The following EDAR variants were observed in gnomAD, a reference collection of about 807,000 sequenced individuals.
EDAR encodes tumor necrosis factor receptor superfamily member EDAR.
Under a neutral mutation model 51.3 loss-of-function variants are expected in EDAR, and 38 were observed. The observed-to-expected ratio is 0.74, with a 90% CI of 0.57 to 0.97. The LOEUF (loss-of-function observed/expected upper bound fraction) is 0.97. EDAR is among the 50% of genes least tolerant of loss of function. The pLI is 0.00. For missense variants in EDAR, 528 were observed against 595.0 expected (o/e 0.89, Z 1.17); for synonymous variants, 227 against 242.1 (o/e 0.94, Z 0.58).
At chr2:108,937,706 T>C (rs1198080839) in intron 1 of EDAR, among the ~76,000 whole-genome samples, 1 of 149,412 alleles carries the variant, frequency 6.7e-6, no homozygotes, top group Non-Finnish European at 1.5e-5. Flanking sequence ...TGTGTGAGTG[T>C]ATGTGTGTGT....
At chr2:108,915,093 G>C (rs1027751022) in intron 5 of EDAR, among the ~76,000 whole-genome samples, 7 of 151,676 alleles carry the variant, frequency 4.6e-5, no homozygotes, top group South Asian at 4.1e-4. Flanking sequence ...ATTTTTTATA[G>C]AGAAAAATGC....
At chr2:108,988,788 G>A (rs756149216) in intron 1 of EDAR, among the ~76,000 whole-genome samples, 172 bp downstream of exon 1, 1 of 152,166 alleles carries the variant, frequency 6.6e-6, no homozygotes, top group Non-Finnish European at 1.5e-5. Flanking sequence ...AACAATCTCA[G>A]GTCTTAGAAC....
intron 1 of EDAR, among the ~76,000 whole-genome samples, chr2:108,986,297 C>G (rs1698499731): frequency 6.6e-6 from 1 of 152,176 alleles, no homozygotes; most frequent in Non-Finnish European, 1.5e-5. Context: ...AAAACTGAGA[C>G]TGTTTCCTCT....
chr2:108,923,077 T>C (rs540397382), intron 5 of EDAR, among the ~76,000 whole-genome samples: 6 of 152,336 alleles, frequency 3.9e-5, no homozygotes, highest in Admixed American at 2.0e-4. Flanking sequence ...CAGATGTTAG[T>C]ACCCCCATAT....
At chr2:108,913,331 C>T (rs1176517431) in intron 5 of EDAR, among the ~76,000 whole-genome samples, 1 of 152,126 alleles carries the variant, frequency 6.6e-6, no homozygotes, top group Non-Finnish European at 1.5e-5. Context: ...TTGCAAGCCT[C>T]ACCAACTCAA....
intron 11 of EDAR, among the ~76,000 whole-genome samples, chr2:108,902,207 C>CA (rs59896545): frequency 0.014 from 1,146 of 82,450 alleles, 9 homozygotes; most frequent in Admixed American, 0.022. Context: ...GACTCCGTCT[C>CA]AAAAAAAAAA....
At chr2:108,924,979 C>T (rs1459462865) in intron 4 of EDAR, among the ~76,000 whole-genome samples, 1 of 152,192 alleles carries the variant, frequency 6.6e-6, no homozygotes, top group Non-Finnish European at 1.5e-5. Flanking sequence ...TCCTAGGTGG[C>T]CACCTGCTCC....
chr2:108,944,466 G>A (rs113944493), intron 1 of EDAR, among the ~76,000 whole-genome samples: 433 of 152,318 alleles, frequency 2.8e-3, no homozygotes, highest in African/African-American at 9.7e-3. Context: ...TATGGCTGCG[G>A]CAACAATGGC....
intron 11 of EDAR, among the ~76,000 whole-genome samples, chr2:108,903,045 C>T (rs1574366227): frequency 1.3e-5 from 2 of 152,124 alleles, no homozygotes; most frequent in African/African-American, 4.8e-5. Flanking sequence ...GTGAATTCAG[C>T]AAGGTCACAG....
intron 1 of EDAR, among the ~76,000 whole-genome samples, chr2:108,961,097 G>A (rs748040229): frequency 2.0e-5 from 3 of 152,184 alleles, no homozygotes; most frequent in Admixed American, 6.5e-5. Context: ...AGAAATGCTC[G>A]GCCACCTCCC....
intron 1 of EDAR, among the ~76,000 whole-genome samples, chr2:108,943,278 C>T (rs1036945077): frequency 6.6e-6 from 1 of 152,158 alleles, no homozygotes; most frequent in African/African-American, 2.4e-5. Context: ...GGGTCTGCTC[C>T]GACTCCAAAG....
Position 108,897,066 on chromosome 2 carries a change from T to C in EDAR, c.1188A>G (p.Gln396=). ...DEIGGMTDGM[Q]LFDRISTAGY... ...CTGCCGTGCTGATGCGGTCAAAGAG[T>C]TGCATGCCGTCTGTCATGCCCCCAA... The change falls in exon 12 of 12, where the codon CAA becomes CAG. Residue 396 remains glutamine (Q), a synonymous_variant. Transcript: ENST00000258443. 1 of 1,614,096 alleles carries C rather than the reference T, an allele frequency of 6.2e-7. No homozygotes were observed.
intron 1 of EDAR, among the ~76,000 whole-genome samples, chr2:108,974,655 G>A (rs1250386986): frequency 2.0e-5 from 3 of 152,042 alleles, no homozygotes; most frequent in African/African-American, 2.4e-5. Context: ...GCTTGAACCC[G>A]GCAGGCGAAG....
At chr2:108,940,429 T>A (rs1313997800) in intron 1 of EDAR, 1 of 152,420 alleles carries the variant, frequency 6.6e-6, no homozygotes, top group Non-Finnish European at 1.5e-5. Flanking sequence ...TCTGCAGCCC[T>A]TGCCTCCCAC....
intron 1 of EDAR, among the ~76,000 whole-genome samples, chr2:108,951,057 T>G (rs1315790790): frequency 6.6e-6 from 1 of 152,240 alleles, no homozygotes; most frequent in Non-Finnish European, 1.5e-5. Context: ...GGCATGCCTC[T>G]CATAATCCAG....
At chr2:108,906,232 G>A (rs1212817500) in intron 11 of EDAR, 76 bp downstream of exon 11, 2 of 1,509,978 alleles carry the variant, frequency 1.3e-6, no homozygotes, top group Non-Finnish European at 1.8e-6. Flanking sequence ...CCTCACAGGA[G>A]CCTCAGGGCT....
chr2:108,906,009 G>C (rs1696795770), intron 11 of EDAR, among the ~76,000 whole-genome samples: 1 of 146,040 alleles, frequency 6.8e-6, no homozygotes, highest in South Asian at 2.1e-4. Flanking sequence ...GAGGTCTGAG[G>C]CTCCGTGGCT....
At chr2:108,950,260 CT>C (rs1697799219) in intron 1 of EDAR, among the ~76,000 whole-genome samples, 1 of 145,520 alleles carries the variant, frequency 6.9e-6, no homozygotes, top group Non-Finnish European at 1.5e-5. Flanking sequence ...CCCTCCATTC[CT>C]TTTCTTTTTC....
intron 1 of EDAR, among the ~76,000 whole-genome samples, chr2:108,962,050 G>A (rs1698057149): frequency 6.6e-6 from 1 of 152,224 alleles, no homozygotes; most frequent in South Asian, 2.1e-4. Flanking sequence ...AAATCCTGGA[G>A]AGACTTTTTT....
Sources: allele counts gnomAD v4.1 joint callset (sites outside exome capture counted in the v4.1 genomes callset), GRCh38; gene constraint gnomAD v4.1.1; transcripts MANE v1.5; gene names NCBI Gene and HGNC (gene_info 2026-07-23, HGNC 2026-07-21).